The following ARSG variants were observed in gnomAD, a reference collection of about 807,000 sequenced individuals.
ARSG encodes arylsulfatase G, also known as ASG.
ARSG carries 37 observed loss-of-function variants against 50.5 expected under a neutral mutation model. The observed-to-expected ratio is 0.73, with a 90% confidence interval of 0.56 to 0.96. The LOEUF (loss-of-function observed/expected upper bound fraction) is 0.96, where lower values mean the gene tolerates loss of function less well. Ranked by LOEUF, ARSG falls within the 50% of genes least tolerant of loss-of-function variation. The pLI is 0.00. For synonymous variants in ARSG, 225 were observed against 254.6 expected, an observed-to-expected ratio of 0.88 and a Z score of 1.11; for missense variants, 629 against 675.3, an observed-to-expected ratio of 0.93 and a Z score of 0.76.
intron 5 of ARSG, 132 bp from the exon 6 acceptor site, chr17:68,356,534 TG>T: frequency 9.8e-7 from 1 of 1,016,004 alleles, no homozygotes. Flanking sequence ...TTGGAGGAAA[TG>T]GCCAACCAGA....
the ARSG span, chr17:68,444,341 G>C: frequency 1.5e-6 from 1 of 677,894 alleles, no homozygotes; most frequent in Admixed American, 2.9e-5. Context: ...ATTTGAATCT[G>C]CCGCCATTAA....
intron 8 of ARSG, among the ~76,000 whole-genome samples, chr17:68,373,066 T>C (rs530521610): frequency 1.8e-4 from 23 of 127,472 alleles, no homozygotes; most frequent in African/African-American, 6.8e-4. Context: ...TAATTTTTTG[T>C]TTGTTTTTTT....
intron 1 of ARSG, chr17:68,273,987 C>G: frequency 6.2e-7 from 1 of 1,614,158 alleles, no homozygotes; most frequent in Non-Finnish European, 8.5e-7. Flanking sequence ...GAGGCGGCCA[C>G]CATCCCGGTG....
At chr17:68,261,783 C>G (rs567652963) in intron 1 of ARSG, among the ~76,000 whole-genome samples, 1 of 152,280 alleles carries the variant, frequency 6.6e-6, no homozygotes, top group South Asian at 2.1e-4. Context: ...ATACACATCT[C>G]AGGGAAGGGA....
chr17:68,301,462 G>A (rs1373254648), intron 1 of ARSG, among the ~76,000 whole-genome samples: 1 of 152,194 alleles, frequency 6.6e-6, no homozygotes, highest in African/African-American at 2.4e-5. Context: ...GTACAGGGTG[G>A]CTACCCGAGC....
At chr17:68,311,800 C>CTTTTTT (rs36097952) in intron 2 of ARSG, among the ~76,000 whole-genome samples, 4 of 116,386 alleles carry the variant, frequency 3.4e-5, no homozygotes, top group Non-Finnish European at 6.9e-5. Context: ...CTGTACTGTA[C>CTTTTTT]TTTTTTTTTT....
chr17:68,396,828 GC>G (rs1384790226), intron 10 of ARSG, among the ~76,000 whole-genome samples: 2 of 152,148 alleles, frequency 1.3e-5, no homozygotes, highest in Admixed American at 1.3e-4. Flanking sequence ...CAGAATATCT[GC>G]CCCCTAGAGC....
intron 1 of ARSG, among the ~76,000 whole-genome samples, chr17:68,265,156 G>GA (rs369928777): frequency 0.059 from 4,319 of 73,498 alleles, 93 homozygotes; most frequent in Middle Eastern, 0.071. Context: ...CTCCATCTCA[G>GA]AAAAAAAAAA....
intron 6 of ARSG, 76 bp downstream of exon 6, chr17:68,356,880 C>T (rs2079058783): frequency 5.1e-6 from 8 of 1,580,472 alleles, no homozygotes; most frequent in African/African-American, 1.3e-5. Flanking sequence ...GTCCCTTGGC[C>T]TCAGCACGCT....
chr17:68,312,601 T>G (rs1555767170), intron 2 of ARSG, among the ~76,000 whole-genome samples: 1 of 152,154 alleles, frequency 6.6e-6, no homozygotes, highest in African/African-American at 2.4e-5. Flanking sequence ...TGTGGTTCGT[T>G]GGGCTCTCCT....
chr17:68,379,372 C>T (rs1038818567), intron 8 of ARSG, among the ~76,000 whole-genome samples: 8 of 148,268 alleles, frequency 5.4e-5, no homozygotes, highest in Admixed American at 4.1e-4. Flanking sequence ...TCCCTAGTAG[C>T]TTAGTAGCTG....
At chr17:68,389,104 C>T (rs1216465020) in intron 9 of ARSG, among the ~76,000 whole-genome samples, 5 of 152,150 alleles carry the variant, frequency 3.3e-5, no homozygotes, top group African/African-American at 7.2e-5. Context: ...AGGCTGTGCT[C>T]ACATCAGTGT....
In ARSG at chr17:68,406,533, T is replaced by C. The variant is rs536643918; in HGVS notation, c.1303+5083T>C. Among the ~76,000 whole-genome samples, 5 of 152,326 alleles carry C rather than the reference T, an allele frequency of 3.3e-5. No homozygotes were observed. In the East Asian group the frequency reaches 9.6e-4, roughly 29 times the overall value. On this transcript the variant is annotated intron_variant, in intron 11 of 11. Transcript: ENST00000621439. ...AAGTGTTCCCTGTTCACCGTATCCATGCCAACATCTACTGTTTTTTGATTT... is the reference window on the plus strand; with the variant it reads ...AAGTGTTCCCTGTTCACCGTATCCACGCCAACATCTACTGTTTTTTGATTT...
chr17:68,430,012 T>C, the ARSG span: 2 of 1,614,152 alleles, frequency 1.2e-6, no homozygotes, highest in South Asian at 2.2e-5. Flanking sequence ...AGGGTACAGA[T>C]GTTCCTCTGT....
chr17:68,296,611 G>C (rs2076217661), intron 1 of ARSG, among the ~76,000 whole-genome samples: 3 of 152,138 alleles, frequency 2.0e-5, no homozygotes, highest in African/African-American at 7.2e-5. Flanking sequence ...ATACACAGCA[G>C]GACTGGGTCC....
chr17:68,351,659 C>T lies in ARSG; in HGVS notation c.539C>T (p.Ala180Val), dbSNP rs201509692. The change falls in exon 5 of 12, where the codon GCG becomes GTG. Residue 180 changes from alanine (A) to valine (V), a missense_variant. By Grantham distance (64) the Ala-to-Val change is moderately conservative (BLOSUM62 0). Transcript: ENST00000621439. ...GGCTACAACCACCCTCCTTGTCCAGCGTGTCCACAGGGTGATGGACCATCA... is the reference window on the plus strand; with the variant it reads ...GGCTACAACCACCCTCCTTGTCCAGTGTGTCCACAGGGTGATGGACCATCA... ...TPGYNHPPCP[A>V]CPQGDGPSRN... 6.1e-5 allele frequency: 99 copies of T among 1,613,188 alleles called. No homozygotes were observed. In the East Asian group the frequency reaches 1.6e-3, roughly 26 times the overall value.
the ARSG span, chr17:68,428,764 G>T: frequency 1.6e-6 from 2 of 1,282,760 alleles, no homozygotes; most frequent in Non-Finnish European, 2.3e-6. Flanking sequence ...TGTCGTTCTT[G>T]GCGAAGGGAC....
chr17:68,352,121 A>AGAGAGAGAGAGAGAGAGAGACAGAG (rs1568506766), intron 5 of ARSG, among the ~76,000 whole-genome samples: 13 of 125,080 alleles, frequency 1.0e-4, no homozygotes, highest in African/African-American at 4.4e-4. Flanking sequence ...GAGACAGAGG[A>AGAGAGAGAGAGAGAGAGAGACAGAG]GAGAGAGAGA....
At position 68,368,584 on chromosome 17, in the gene ARSG, G is replaced by A. The variant is rs201990249; in HGVS notation, c.741G>A (p.Leu247=). ...SGRPFLLYVA[L]AHMHVPLPVT... is the part of the protein sequence containing the mutation. Reference sequence around the variant, plus strand: ...GGCCCTTCCTGCTCTATGTGGCTCTGGCCCACATGCACGTGCCCTTACCTG... The same window carrying A: ...GGCCCTTCCTGCTCTATGTGGCTCTAGCCCACATGCACGTGCCCTTACCTG... Residue 247 remains leucine, a synonymous_variant, in exon 7 of 12, where the codon CTG becomes CTA. Coordinates refer to ENST00000621439, the MANE Select transcript of ARSG (RefSeq NM_001267727.2). The A allele has an allele frequency of 1.2e-6, 2 of 1,614,124 alleles. No individual in the cohort carries two copies. The highest frequency in any genetic ancestry group is 4.5e-5 in the East Asian group (2 of 44,882).
Sources: allele counts gnomAD v4.1 joint callset (sites outside exome capture counted in the v4.1 genomes callset), GRCh38; gene constraint gnomAD v4.1.1; transcripts MANE v1.5; gene names NCBI Gene and HGNC (gene_info 2026-07-23, HGNC 2026-07-21).